IPO11: variants seen among roughly 807,000 people sequenced by gnomAD.
IPO11 encodes the protein importin-11.
Under a neutral mutation model 143.2 loss-of-function variants are expected in IPO11, and 66 were observed. The observed-to-expected ratio is 0.46, with a 90% confidence interval of 0.38 to 0.57. The LOEUF (loss-of-function observed/expected upper bound fraction) is 0.57. Ranked by LOEUF, IPO11 falls within the 20% of genes least tolerant of loss-of-function variation. The probability of loss-of-function intolerance (pLI) is 0.00; values close to 1 mark genes in which losing one functional copy is unlikely to be tolerated. For synonymous variants in IPO11, 385 were observed against 377.8 expected (o/e 1.02, Z -0.22); for missense variants, 1,026 against 1,141.0 (o/e 0.90, Z 1.45).
intron 24 of IPO11, among the ~76,000 whole-genome samples, chr5:62,546,480 G>A (rs1743191858): frequency 6.6e-6 from 1 of 152,134 alleles, no homozygotes; most frequent in South Asian, 2.1e-4. Context: ...GATAGCATTA[G>A]GAGATATACC....
intron 29 of IPO11, among the ~76,000 whole-genome samples, chr5:62,610,461 C>T (rs755218858): frequency 6.6e-6 from 1 of 152,126 alleles, no homozygotes; most frequent in Non-Finnish European, 1.5e-5. Flanking sequence ...ATGTGTCTGT[C>T]TTTTGGTTGT....
chr5:62,603,430 G>C (rs1247578757), intron 29 of IPO11, among the ~76,000 whole-genome samples: 2 of 139,936 alleles, frequency 1.4e-5, no homozygotes, highest in African/African-American at 5.5e-5. Context: ...TCATAGAGCA[G>C]CATTTATATG....
At chr5:62,538,477 G>A (rs2112326859) in intron 24 of IPO11, among the ~76,000 whole-genome samples, 1 of 152,244 alleles carries the variant, frequency 6.6e-6, no homozygotes, top group East Asian at 1.9e-4. Flanking sequence ...TTGTTCTCAT[G>A]ATAGTGAGTC....
chr5:62,506,895 CA>C (rs927703165), intron 19 of IPO11, among the ~76,000 whole-genome samples: 2 of 152,092 alleles, frequency 1.3e-5, no homozygotes, highest in African/African-American at 4.8e-5. Context: ...TCTAGTTCAC[CA>C]TTGCATATCC....
intron 20 of IPO11, among the ~76,000 whole-genome samples, chr5:62,523,039 T>C (rs1417655526): frequency 6.6e-6 from 1 of 152,220 alleles, no homozygotes; most frequent in Non-Finnish European, 1.5e-5. Flanking sequence ...CTCAGTCTTT[T>C]TTCTGTAGTG....
At chr5:62,606,905 T>C (rs552217745) in intron 29 of IPO11, among the ~76,000 whole-genome samples, 319 of 152,316 alleles carry the variant, frequency 2.1e-3, no homozygotes, top group African/African-American at 7.2e-3. Context: ...TTAGGTTGAG[T>C]TGCATTTTAT....
intron 1 of IPO11, among the ~76,000 whole-genome samples, chr5:62,435,092 G>GTATATATGTGTATATATGTA: frequency 1.7e-5 from 1 of 58,266 alleles, no homozygotes; most frequent in Non-Finnish European, 3.7e-5. Context: ...GTGTATATAT[G>GTATATATGTGTATATATGTA]TATATATGTA....
intron 22 of IPO11, 43 bp downstream of exon 22, chr5:62,530,828 CCATAATTGGGAGGCATTGAAA>C (rs770218324): frequency 8.5e-5 from 124 of 1,457,898 alleles, no homozygotes; most frequent in Non-Finnish European, 1.1e-4. Context: ...TTGAATGCAA[CCATAATTGGGAGGCATTGAAA>C]CATAATTTGG....
At chr5:62,598,379 GCTTGCTTGCTTGCTTT>G (rs1182798569) in intron 28 of IPO11, among the ~76,000 whole-genome samples, 2 of 48,576 alleles carry the variant, frequency 4.1e-5, no homozygotes, top group South Asian at 7.6e-4. Flanking sequence ...TAAATTGTTT[GCTTGCTTGCTTGCTTT>G]CTTTCTTTCT....
intron 5 of IPO11, among the ~76,000 whole-genome samples, chr5:62,452,479 G>C (rs1375925873): frequency 6.6e-6 from 1 of 150,866 alleles, no homozygotes; most frequent in African/African-American, 2.5e-5. Context: ...TGAGATGATA[G>C]GTCTCTTGAA....
intron 1 of IPO11, among the ~76,000 whole-genome samples, chr5:62,416,177 C>CT (rs1397429581): frequency 3.7e-5 from 5 of 134,568 alleles, no homozygotes; most frequent in African/African-American, 8.0e-5. Flanking sequence ...CTTTTTTTTT[C>CT]TTTTCTTTTT....
intron 20 of IPO11, among the ~76,000 whole-genome samples, chr5:62,523,828 A>G (rs1207515964): frequency 6.6e-6 from 1 of 152,166 alleles, no homozygotes; most frequent in East Asian, 1.9e-4. Context: ...ATAGATTTGT[A>G]TATCATCAGT....
chr5:62,413,920 T>G lies in IPO11; in HGVS notation c.-7+991T>G, dbSNP rs532403155. 3.3e-5 allele frequency among the ~76,000 whole-genome samples: 5 copies of G among 152,318 alleles called. No individual in the cohort carries two copies. The South Asian group carries it at 1.0e-3, about 32-fold the overall frequency. On this transcript the variant is annotated intron_variant, in intron 1 of 29. Coordinates refer to ENST00000325324, the MANE Select transcript of IPO11 (RefSeq NM_016338.5). The stretch of plus-strand genomic sequence containing the variant: ...TACATCTTTCATCACTGAGGAAAAT[T>G]TCGGTGAAAGTAGAAACATTTTCCC...
At position 62,438,572 on chromosome 5, in the gene IPO11, C is replaced by T. The variant is rs957826904; in HGVS notation, c.138+1155C>T. 5.4e-5 allele frequency among the ~76,000 whole-genome samples: 8 copies of T among 149,488 alleles called. No homozygotes were observed. The East Asian group carries it at 8.0e-4, about 15-fold the overall frequency. ...GTTTGAGACCAGCCTGACTGACATG[C>T]TGAAACCCCATCTCTACTGAAAATA... is the stretch of plus-strand genomic sequence containing the variant. On this transcript the variant is annotated intron_variant, in intron 2 of 29. Coordinates refer to ENST00000325324, the MANE Select transcript of IPO11 (RefSeq NM_016338.5).
At chr5:62,453,483 G>C (rs1745016582) in intron 5 of IPO11, among the ~76,000 whole-genome samples, 1 of 144,734 alleles carries the variant, frequency 6.9e-6, no homozygotes, top group Non-Finnish European at 1.5e-5. Flanking sequence ...GAAAATACTT[G>C]TCCTAGTCTT....
intron 27 of IPO11, among the ~76,000 whole-genome samples, chr5:62,569,024 A>G (rs945459407): frequency 2.0e-5 from 3 of 152,056 alleles, no homozygotes; most frequent in Non-Finnish European, 4.4e-5. Context: ...GAGAATTCCT[A>G]GGGTTCCCAG....
intron 24 of IPO11, among the ~76,000 whole-genome samples, chr5:62,544,407 A>G (rs916590560): frequency 1.3e-5 from 2 of 152,152 alleles, no homozygotes; most frequent in Admixed American, 6.6e-5. Context: ...TCAGCCCTTC[A>G]TGCTAAAAAC....
In IPO11 at chr5:62,451,833, A is replaced by C. The variant is rs982794044; in HGVS notation, c.416A>C (p.Gln139Pro). 2 of 1,613,924 alleles carry C rather than the reference A, an allele frequency of 1.2e-6. No individual in the cohort carries two copies. The highest frequency in any genetic ancestry group is 1.7e-6 in the Non-Finnish European group (2 of 1,179,866). ...ACTCTTATAGAGTCTGTTAAAGTCC[A>C]GGATGATCTTCGACAGCACAGAGCA... ...IPTLIESVKV[Q>P]DDLRQHRALL... Residue 139 changes from glutamine to proline, a missense_variant, in exon 5 of 30, where the codon CAG becomes CCG. Physicochemically the swap from Gln to Pro is moderately conservative, Grantham distance 76. Around this residue, in one of 5 missense-constraint regions of IPO11, gnomAD observed 429 missense variants for 456.3 expected, o/e 0.94. Transcript: ENST00000325324.
chr5:62,460,764 A>G (rs1287592988), intron 5 of IPO11, among the ~76,000 whole-genome samples: 4 of 152,198 alleles, frequency 2.6e-5, no homozygotes, highest in African/African-American at 7.2e-5. Flanking sequence ...TTCATTAAAC[A>G]GTTTATTTGC....
Sources: allele counts gnomAD v4.1 joint callset (sites outside exome capture counted in the v4.1 genomes callset), GRCh38; gene constraint gnomAD v4.1.1; regional missense constraint gnomAD v4.1.1; transcripts MANE v1.5; gene names NCBI Gene and HGNC (gene_info 2026-07-23, HGNC 2026-07-21).